The following GRID2 variants were observed in gnomAD, a reference collection of about 807,000 sequenced individuals.
GRID2 encodes the protein glutamate ionotropic receptor delta type subunit 2, also known as glutamate receptor ionotropic, delta-2.
GRID2 carries 33 observed loss-of-function variants against 114.8 expected under a neutral mutation model. That is an observed-to-expected ratio of 0.29 (90% CI 0.22 to 0.38). GRID2 has a LOEUF of 0.38. Among genes scored for constraint, GRID2 ranks in the 10% least tolerant of loss-of-function variants. GRID2 has a pLI of 1.00. For missense variants in GRID2, 1,184 were observed against 1,257.7 expected (o/e 0.94, Z 0.89); for synonymous variants, 505 against 449.9 (o/e 1.12, Z -1.55).
chr4:92,644,703 T>C (rs1042179136), intron 2 of GRID2, among the ~76,000 whole-genome samples: 12 of 151,690 alleles, frequency 7.9e-5, no homozygotes, highest in South Asian at 2.1e-4. Context: ...CAAATACTTA[T>C]TGATAATGGA....
chr4:92,597,071 C>T (rs934105394), intron 2 of GRID2, among the ~76,000 whole-genome samples: 4 of 151,556 alleles, frequency 2.6e-5, no homozygotes, highest in South Asian at 4.2e-4. Flanking sequence ...CTTTTTTTTA[C>T]GATCATTATA....
At chr4:93,431,443 A>G (rs923397540) in intron 10 of GRID2, among the ~76,000 whole-genome samples, 2 of 152,196 alleles carry the variant, frequency 1.3e-5, no homozygotes, top group Admixed American at 6.5e-5. Flanking sequence ...AAAAAATAAG[A>G]AAGTTTCAAA....
intron 1 of GRID2, among the ~76,000 whole-genome samples, chr4:92,557,519 G>A (rs1309154307): frequency 2.7e-5 from 4 of 150,556 alleles, no homozygotes; most frequent in Non-Finnish European, 5.9e-5. Flanking sequence ...GAAATAAATT[G>A]CAACCAAATA....
At chr4:93,762,421 A>C (rs1733288434) in intron 14 of GRID2, among the ~76,000 whole-genome samples, 1 of 152,272 alleles carries the variant, frequency 6.6e-6, no homozygotes, top group Admixed American at 6.5e-5. Context: ...ATACTTCCAA[A>C]TTGAAGAAGT....
At chr4:93,219,918 G>A (rs973167654) in intron 6 of GRID2, among the ~76,000 whole-genome samples, 2 of 152,134 alleles carry the variant, frequency 1.3e-5, no homozygotes, top group Non-Finnish European at 2.9e-5. Flanking sequence ...GGAGCAGGGA[G>A]ATAGCAAGAG....
intron 8 of GRID2, among the ~76,000 whole-genome samples, chr4:93,379,065 C>G (rs1356046753): frequency 6.6e-6 from 1 of 151,860 alleles, no homozygotes. Context: ...TAAAACATGC[C>G]TTAAGAAATC....
chr4:92,322,497 C>T (rs1466261853), intron 1 of GRID2, among the ~76,000 whole-genome samples: 1 of 152,088 alleles, frequency 6.6e-6, no homozygotes, highest in Non-Finnish European at 1.5e-5. Context: ...GATTACTACA[C>T]ATTGCATGTG....
intron 9 of GRID2, among the ~76,000 whole-genome samples, chr4:93,412,932 T>G (rs1307283866): frequency 3.3e-5 from 5 of 152,232 alleles, no homozygotes; most frequent in Non-Finnish European, 7.3e-5. Flanking sequence ...GATCTCATTC[T>G]TTGCTATGGC....
At chr4:92,533,178 T>C (rs1725430924) in intron 1 of GRID2, among the ~76,000 whole-genome samples, 1 of 148,128 alleles carries the variant, frequency 6.8e-6, no homozygotes, top group Non-Finnish European at 1.5e-5. Context: ...TGCACAACTT[T>C]GGTGTGTTTT....
At chr4:93,630,424 C>T (rs1388371427) in intron 14 of GRID2, among the ~76,000 whole-genome samples, 1 of 152,138 alleles carries the variant, frequency 6.6e-6, no homozygotes, top group Non-Finnish European at 1.5e-5. Context: ...CCAGTGTTGA[C>T]TTCAGAATCT....
intron 8 of GRID2, among the ~76,000 whole-genome samples, chr4:93,263,659 A>T (rs1255111914): frequency 6.6e-6 from 1 of 151,978 alleles, no homozygotes; most frequent in East Asian, 1.9e-4. Context: ...TAATTAGTGG[A>T]TCATCTTGAC....
intron 14 of GRID2, among the ~76,000 whole-genome samples, chr4:93,665,770 T>G (rs963544067): frequency 5.3e-5 from 8 of 152,214 alleles, no homozygotes; most frequent in African/African-American, 1.9e-4. Context: ...TTGTTCTACC[T>G]AACACCCTTT....
At chr4:92,490,630 T>C (rs1719422714) in intron 1 of GRID2, among the ~76,000 whole-genome samples, 3 of 152,180 alleles carry the variant, frequency 2.0e-5, no homozygotes, top group South Asian at 4.1e-4. Flanking sequence ...ATTACCGTGG[T>C]ACATTCATTA....
chr4:93,422,269 A>G lies in GRID2; in HGVS notation c.1348-502A>G, dbSNP rs142230105. Among the ~76,000 whole-genome samples, 205 of 152,330 alleles carry G rather than the reference A, an allele frequency of 1.3e-3. 1 individual carries two copies. The highest frequency in any genetic ancestry group is 4.7e-3 in the African/African-American group (197 of 41,590). On this transcript the variant is annotated intron_variant, in intron 9 of 15. Coordinates refer to ENST00000282020, the MANE Select transcript of GRID2 (RefSeq NM_001510.4). Reference sequence around the variant, plus strand: ...GTGTTTATATCAAAGTCACAAAATTACTTAGTGAATAACTCCCAGTAAATG... The same window carrying G: ...GTGTTTATATCAAAGTCACAAAATTGCTTAGTGAATAACTCCCAGTAAATG...
chr4:92,785,984 A>G (rs1739306070), intron 2 of GRID2, among the ~76,000 whole-genome samples: 1 of 151,880 alleles, frequency 6.6e-6, no homozygotes, highest in Non-Finnish European at 1.5e-5. Context: ...GCATTAACAC[A>G]ATTTCTAAGA....
At chr4:93,528,225 A>G (rs904468574) in intron 13 of GRID2, among the ~76,000 whole-genome samples, 1 of 151,924 alleles carries the variant, frequency 6.6e-6, no homozygotes. Context: ...TTCATTATCA[A>G]CAGACATGGG....
At chr4:92,572,145 T>C (rs559644522) in intron 1 of GRID2, among the ~76,000 whole-genome samples, 22 of 151,280 alleles carry the variant, frequency 1.5e-4, no homozygotes, top group African/African-American at 4.6e-4. Context: ...GCAAGACTAA[T>C]AAAGAAGAAA....
chr4:92,376,353 C>A (rs1729358038), intron 1 of GRID2, among the ~76,000 whole-genome samples: 1 of 152,070 alleles, frequency 6.6e-6, no homozygotes, highest in South Asian at 2.1e-4. Flanking sequence ...TCCTTCATAT[C>A]TCACATCCAG....
intron 2 of GRID2, among the ~76,000 whole-genome samples, chr4:92,814,120 A>G (rs1328787923): frequency 6.6e-6 from 1 of 152,010 alleles, no homozygotes; most frequent in Non-Finnish European, 1.5e-5. Context: ...AGCACTTGCT[A>G]TTTCTTTTAT....
Sources: gnomAD v4.1 joint callset for allele counts (sites outside exome capture counted in the v4.1 genomes callset) on GRCh38, gnomAD v4.1.1 for gene constraint, MANE v1.5 for transcripts, NCBI Gene and HGNC (gene_info 2026-07-23, HGNC 2026-07-21) for gene names.